The following C5orf34 variants were observed in gnomAD, a reference collection of about 807,000 sequenced individuals.
C5orf34 encodes the protein chromosome 5 open reading frame 34.
A neutral mutation model predicts 78.4 loss-of-function variants in C5orf34; 73 were observed. The ratio of observed to expected loss-of-function variants is 0.93; its 90% confidence interval spans 0.77 to 1.13. The LOEUF is 1.13. Among genes scored for constraint, C5orf34 ranks in the 50% most tolerant of loss-of-function variants. C5orf34 has a pLI of 0.00. For missense variants in C5orf34, 730 were observed against 732.7 expected, an observed-to-expected ratio of 1.00 and a Z score of 0.04; for synonymous variants, 251 against 246.6, an observed-to-expected ratio of 1.02 and a Z score of -0.17.
chr5:43,510,916 G>C, intron 1 of C5orf34: 1 of 195,418 alleles, frequency 5.1e-6, no homozygotes, highest in Non-Finnish European at 1.0e-5. Flanking sequence ...TCTGGGATGT[G>C]AGGAGCCCCT....
At chr5:43,510,399 C>G (rs1272959335) in intron 1 of C5orf34, among the ~76,000 whole-genome samples, 1 of 152,184 alleles carries the variant, frequency 6.6e-6, no homozygotes, top group Non-Finnish European at 1.5e-5. Context: ...ACAGCAGTGA[C>G]AGAAGGGGAA....
intron 11 of C5orf34, among the ~76,000 whole-genome samples, chr5:43,488,863 A>G (rs1745163069): frequency 6.6e-6 from 1 of 152,164 alleles, no homozygotes; most frequent in Non-Finnish European, 1.5e-5. Flanking sequence ...AGTCTAAAAT[A>G]TTCAAGTCAC....
At chr5:43,496,446 C>A in intron 6 of C5orf34, 1 of 1,580,206 alleles carries the variant, frequency 6.3e-7, no homozygotes, top group Admixed American at 1.7e-5. Flanking sequence ...GAGTCTTTTC[C>A]TTTCCCATTT....
intron 12 of C5orf34, among the ~76,000 whole-genome samples, chr5:43,487,416 A>C (rs1397231331): frequency 6.6e-6 from 1 of 152,184 alleles, no homozygotes; most frequent in Non-Finnish European, 1.5e-5. Context: ...CGGGAATTAA[A>C]GAGTAGGATG....
intron 9 of C5orf34, 87 bp downstream of exon 9, chr5:43,492,633 A>G: frequency 2.7e-6 from 3 of 1,132,024 alleles, no homozygotes; most frequent in Non-Finnish European, 3.9e-6. Context: ...CAAAAAATGA[A>G]CTGAAATAGT....
chr5:43,512,849 C>G (rs1746332534), intron 1 of C5orf34, among the ~76,000 whole-genome samples: 1 of 131,774 alleles, frequency 7.6e-6, no homozygotes, highest in African/African-American at 2.8e-5. Flanking sequence ...GTGGCGCAAT[C>G]TGGGCTCACT....
chr5:43,496,403 A>G (rs1337899089), intron 6 of C5orf34: 142 of 1,595,574 alleles, frequency 8.9e-5, no homozygotes, highest in Non-Finnish European at 4.6e-5. Flanking sequence ...GACTTGCCCG[A>G]ATTTACGTGT....
chr5:43,502,514 C>A lies in C5orf34; in HGVS notation c.1029-19G>T. On this transcript the variant is annotated intron_variant, in intron 5 of 12. Transcript: ENST00000306862. ...GGTAAGTCTAAGAAATAGAAATAAC[C>A]ATTAAAAATTTTTTTCCACTTGAGA... is the stretch of plus-strand genomic sequence containing the variant. 6.8e-7 allele frequency: 1 copy of A among 1,480,506 alleles called. No homozygotes were observed. Among genetic ancestry groups the A allele is most frequent in the South Asian group, 1.2e-5 (1 of 81,744 alleles). 91.7% of individuals were successfully genotyped at this position (1,480,506 alleles called of 1,614,324 possible).
rs1746121150 is a variant in C5orf34, at chr5:43,509,290, A to T, written c.50T>A (p.Val17Glu). ...CAATGTGGAACCATCAACATATTGT[A>T]CTTGTACTGAATCATCTTCATAAAG... ...MILYEDDSVQ[V>E]QYVDGSTLQL... is the part of the protein sequence containing the mutation. Residue 17 changes from valine (V) to glutamate (E), a missense_variant, in exon 2 of 13, where the codon GTA (valine) becomes GAA (glutamate). Transcript: ENST00000306862. The T allele has an allele frequency of 6.2e-7, 1 of 1,613,866 alleles. No homozygotes were observed. Among genetic ancestry groups the T allele is most frequent in the Non-Finnish European group, 8.5e-7 (1 of 1,179,956 alleles).
chr5:43,500,715 G>A (rs976808936), intron 6 of C5orf34, among the ~76,000 whole-genome samples: 5 of 152,178 alleles, frequency 3.3e-5, no homozygotes, highest in South Asian at 2.1e-4. Context: ...ATAATTTAAC[G>A]TAAGTTTGAA....
intron 1 of C5orf34, among the ~76,000 whole-genome samples, chr5:43,510,604 C>G (rs1746192724): frequency 6.6e-6 from 1 of 152,228 alleles, no homozygotes; most frequent in Admixed American, 6.5e-5. Context: ...CCACGCCTGA[C>G]TGGTTTTCAT....
chr5:43,490,581 T>A (rs1745240145), intron 11 of C5orf34, 50 bp downstream of exon 11: 2 of 1,206,666 alleles, frequency 1.7e-6, no homozygotes, highest in East Asian at 4.9e-5. Context: ...TTTTAATTTT[T>A]TTTAAAGTAT....
At chr5:43,508,107 A>T (rs921924501) in intron 3 of C5orf34, among the ~76,000 whole-genome samples, 2 of 150,852 alleles carry the variant, frequency 1.3e-5, no homozygotes, top group Non-Finnish European at 2.9e-5. Flanking sequence ...AGAGGCTGCC[A>T]TCTAGCCAAT....
Position 43,514,594 on chromosome 5 carries a change from C to G in C5orf34, c.-37+212G>C. Among the ~76,000 whole-genome samples the G allele has an allele frequency of 1.3e-5, 2 of 152,094 alleles. 1 individual carries two copies. The highest frequency in any genetic ancestry group is 3.9e-4 in the East Asian group (2 of 5,190). ...TGGCATACCATAGGAAACCATAACC[C>G]GGCTCCAACCCACACTGCCATTCTC... On this transcript the variant is annotated intron_variant, in intron 1 of 12. Transcript: ENST00000306862.
intron 4 of C5orf34, 37 bp from the exon 5 acceptor site, chr5:43,503,797 G>T: frequency 7.3e-7 from 1 of 1,375,754 alleles, no homozygotes; most frequent in Non-Finnish European, 1.0e-6. Flanking sequence ...ACTTCTGGTT[G>T]CTCAATATAA....
At chr5:43,507,954 T>C (rs1746064934) in intron 3 of C5orf34, among the ~76,000 whole-genome samples, 1 of 151,984 alleles carries the variant, frequency 6.6e-6, no homozygotes, top group South Asian at 2.1e-4. Flanking sequence ...GGCGGGTGCC[T>C]GTAGCCCCAG....
At chr5:43,492,918 G>A (rs1181849256) in intron 8 of C5orf34, 28 bp from the exon 9 acceptor site, 1 of 1,477,990 alleles carries the variant, frequency 6.8e-7, no homozygotes, top group Non-Finnish European at 9.3e-7. Flanking sequence ...AAAATAGCAG[G>A]AAATAGAGTT....
At chr5:43,490,541 G>T in intron 11 of C5orf34, 90 bp downstream of exon 11, 1 of 784,218 alleles carries the variant, frequency 1.3e-6, no homozygotes, top group Non-Finnish European at 2.1e-6. Context: ...AGTTTTTTTG[G>T]GGAAAAAAGT....
intron 6 of C5orf34, chr5:43,495,358 G>A: frequency 3.7e-6 from 6 of 1,611,840 alleles, no homozygotes; most frequent in Middle Eastern, 2.2e-4. Flanking sequence ...TGCATGCAAT[G>A]TGAGCCGCGT....
Sources: gnomAD v4.1 joint callset for allele counts (sites outside exome capture counted in the v4.1 genomes callset) on GRCh38, gnomAD v4.1.1 for gene constraint, MANE v1.5 for transcripts, NCBI Gene and HGNC (gene_info 2026-07-23, HGNC 2026-07-21) for gene names.